SLC27A6: variants seen among roughly 807,000 people sequenced by gnomAD.
The protein encoded by SLC27A6 is solute carrier family 27 member 6.
In SLC27A6, 74 loss-of-function variants were observed where a neutral mutation model predicts 63.9. The observed-to-expected ratio is 1.16, with a 90% CI of 0.96 to 1.40. The LOEUF (loss-of-function observed/expected upper bound fraction) is 1.40, where lower values mean the gene tolerates loss of function less well. Among genes scored for constraint, SLC27A6 ranks in the 40% most tolerant of loss-of-function variants. SLC27A6 has a pLI of 0.00. For synonymous variants in SLC27A6, 287 were observed against 260.8 expected, an observed-to-expected ratio of 1.10 and a Z score of -0.97; for missense variants, 794 against 732.9, an observed-to-expected ratio of 1.08 and a Z score of -0.96.
intron 4 of SLC27A6, among the ~76,000 whole-genome samples, chr5:129,002,063 T>A (rs1407409447): frequency 2.0e-5 from 3 of 152,200 alleles, no homozygotes; most frequent in African/African-American, 4.8e-5. Flanking sequence ...TCACATCAAT[T>A]TGATGAATGG....
chr5:128,990,937 C>T (rs538056760), intron 4 of SLC27A6, among the ~76,000 whole-genome samples: 1 of 152,146 alleles, frequency 6.6e-6, no homozygotes, highest in Non-Finnish European at 1.5e-5. Context: ...AGCGGGTCTG[C>T]GATGGCGGAG....
At chr5:129,012,857 G>A (rs1311471603) in intron 4 of SLC27A6, among the ~76,000 whole-genome samples, 1 of 151,738 alleles carries the variant, frequency 6.6e-6, no homozygotes, top group Non-Finnish European at 1.5e-5. Flanking sequence ...TCATAAACAG[G>A]ATATAGTTGA....
intron 1 of SLC27A6, among the ~76,000 whole-genome samples, chr5:128,982,527 A>G (rs918986214): frequency 2.0e-5 from 3 of 152,214 alleles, no homozygotes; most frequent in African/African-American, 7.2e-5. Context: ...AAGAACATAT[A>G]AAAGTTTGTG....
At chr5:128,996,754 A>G (rs1751173999) in intron 4 of SLC27A6, among the ~76,000 whole-genome samples, 1 of 148,198 alleles carries the variant, frequency 6.7e-6, no homozygotes, top group African/African-American at 2.5e-5. Context: ...TCTTTGTCAT[A>G]TCTAGATATG....
intron 1 of SLC27A6, among the ~76,000 whole-genome samples, chr5:128,971,520 C>T (rs1334281392): frequency 7.1e-6 from 1 of 140,436 alleles, no homozygotes; most frequent in Non-Finnish European, 1.6e-5. Context: ...TAAGGGCCTT[C>T]TTTGTCTCTT....
chr5:128,995,656 G>A lies in SLC27A6; in HGVS notation c.969+5192G>A, dbSNP rs185064415. Among the ~76,000 whole-genome samples, 331 of 152,164 alleles carry A rather than the reference G, an allele frequency of 2.2e-3. 2 individuals are homozygous for A. Among genetic ancestry groups the A allele is most frequent in the African/African-American group, 7.8e-3 (323 of 41,510 alleles). On this transcript the variant is annotated intron_variant, in intron 4 of 9. Transcript: ENST00000262462. ...GGCACAGAAAAGCTGGGAGGTTGCC[G>A]TCATGACAGAAGAAACTCAAAAGGA... is the stretch of plus-strand genomic sequence containing the variant.
At chr5:128,975,528 C>T (rs1043462277) in intron 1 of SLC27A6, among the ~76,000 whole-genome samples, 14 of 152,038 alleles carry the variant, frequency 9.2e-5, no homozygotes, top group African/African-American at 2.9e-4. Flanking sequence ...TACTGAATAT[C>T]GTAGGCAATT....
chr5:129,012,559 G>A (rs1301726985), intron 4 of SLC27A6, among the ~76,000 whole-genome samples: 1 of 152,000 alleles, frequency 6.6e-6, no homozygotes, highest in Non-Finnish European at 1.5e-5. Context: ...AGAGAGAGAA[G>A]TTAAAAATAT....
chr5:129,025,446 A>AT (rs1752206818), intron 6 of SLC27A6, among the ~76,000 whole-genome samples: 1 of 147,542 alleles, frequency 6.8e-6, no homozygotes, highest in Non-Finnish European at 1.5e-5. Flanking sequence ...ATGTACCTGG[A>AT]TATATATATA....
intron 4 of SLC27A6, among the ~76,000 whole-genome samples, chr5:129,013,486 C>G (rs1272834670): frequency 6.6e-6 from 1 of 152,102 alleles, no homozygotes; most frequent in Non-Finnish European, 1.5e-5. Context: ...TCCAGGCTTA[C>G]GGTCATTGTT....
At chr5:129,033,045 C>A (rs1397519363) in intron 9 of SLC27A6, 61 bp from the exon 10 acceptor site, 7 of 1,074,826 alleles carry the variant, frequency 6.5e-6, no homozygotes, top group Non-Finnish European at 9.2e-6. Context: ...ATAGTATTAA[C>A]TATATATGTA....
chr5:129,027,421 C>A, intron 7 of SLC27A6, 90 bp downstream of exon 7: 2 of 945,730 alleles, frequency 2.1e-6, no homozygotes, highest in Non-Finnish European at 3.3e-6. Context: ...CTTTAGCTTT[C>A]AGGGCAGACA....
rs1580707671 is a variant in SLC27A6, at chr5:128,981,132, C to T, written c.482-4001C>T. Among the ~76,000 whole-genome samples the T allele has an allele frequency of 2.0e-5, 3 of 152,082 alleles. No individual in the cohort carries two copies. In the East Asian group the frequency reaches 5.8e-4, roughly 29 times the overall value. The stretch of plus-strand genomic sequence containing the variant: ...ATGTAATTTTTGAATGAACATGCTT[C>T]TTTGAAAACAGAAATTAAGCCTACA... On this transcript the variant is annotated intron_variant, in intron 1 of 9. Transcript: ENST00000262462.
In SLC27A6 at chr5:128,966,385, A is replaced by G; in HGVS notation, c.248A>G (p.Gln83Arg). The change falls in exon 1 of 10, where the codon CAG becomes CGG. Residue 83 changes from glutamine to arginine, a missense_variant. Physicochemically the swap from Gln to Arg is conservative, Grantham distance 43 (BLOSUM62 1). Coordinates refer to ENST00000262462, the MANE Select transcript of SLC27A6 (RefSeq NM_001017372.3). ...TATGAGGGAGACATCTACACCTATC[A>G]GGATGTAGACAAAAGGAGCAGCAGA... ...IIYEGDIYTYQDVDKRSSRVA... is the reference protein window; with the variant it reads ...IIYEGDIYTYRDVDKRSSRVA... 1 of 1,613,402 alleles carries G rather than the reference A, an allele frequency of 6.2e-7. No homozygotes were observed. The highest frequency in any genetic ancestry group is 1.1e-5 in the South Asian group (1 of 90,958).
At chr5:129,018,819 C>T (rs1226788598) in intron 5 of SLC27A6, among the ~76,000 whole-genome samples, 1 of 151,910 alleles carries the variant, frequency 6.6e-6, no homozygotes, top group Non-Finnish European at 1.5e-5. Context: ...TTTGGAAAAC[C>T]TCTGATTTTC....
chr5:129,015,808 TA>T (rs1164031812), intron 4 of SLC27A6, 76 bp from the exon 5 acceptor site: 3 of 1,040,110 alleles, frequency 2.9e-6, no homozygotes, highest in African/African-American at 1.7e-5. Context: ...ACGTCTATGA[TA>T]TTTTTCATTT....
chr5:128,999,676 C>A (rs1038564590), intron 4 of SLC27A6, among the ~76,000 whole-genome samples: 1 of 152,118 alleles, frequency 6.6e-6, no homozygotes, highest in African/African-American at 2.4e-5. Context: ...TGCCTCCTTG[C>A]CTTTCCTTCA....
chr5:128,980,743 A>G lies in SLC27A6; in HGVS notation c.482-4390A>G, dbSNP rs547111631. 6.6e-5 allele frequency among the ~76,000 whole-genome samples: 10 copies of G among 152,330 alleles called. No individual in the cohort carries two copies. The South Asian group carries it at 1.9e-3, about 28-fold the overall frequency. ...AGTTAACCATTTGTAGCTGAATACC[A>G]TATTAGGTTTATTAGTGCATAAAAT... On this transcript the variant is annotated intron_variant, in intron 1 of 9. Coordinates refer to ENST00000262462, the MANE Select transcript of SLC27A6 (RefSeq NM_001017372.3).
rs181052700 is a variant in SLC27A6 at position 129,013,605 on chromosome 5, C to A, written c.970-2280C>A. Among the ~76,000 whole-genome samples, 442 of 151,780 alleles carry A rather than the reference C, an allele frequency of 2.9e-3. 3 individuals are homozygous for A. The highest frequency in any genetic ancestry group is 0.01 in the African/African-American group (425 of 41,448). ...TCTTTTTAATTTTTATATATTTTTT[C>A]TTCTTAGCAATTTTGCCAGAAAATG... On this transcript the variant is annotated intron_variant, in intron 4 of 9. Transcript: ENST00000262462.
Sources: allele counts gnomAD v4.1 joint callset (sites outside exome capture counted in the v4.1 genomes callset), GRCh38; gene constraint gnomAD v4.1.1; transcripts MANE v1.5; gene names NCBI Gene and HGNC (gene_info 2026-07-23, HGNC 2026-07-21).